Variants in CASZ1 observed in about 807,000 individuals in gnomAD.
The protein encoded by CASZ1 is zinc finger protein castor homolog 1.
Under a neutral mutation model 135.2 loss-of-function variants are expected in CASZ1, and 28 were observed. That is an observed-to-expected ratio of 0.21 (90% CI 0.15 to 0.28). CASZ1 has a LOEUF of 0.28. Ranked by LOEUF, CASZ1 falls within the 10% of genes least tolerant of loss-of-function variation. The pLI is 1.00. For synonymous variants in CASZ1, 1,068 were observed against 1,073.4 expected, an observed-to-expected ratio of 0.99 and a Z score of 0.10; for missense variants, 2,161 against 2,453.3, an observed-to-expected ratio of 0.88 and a Z score of 2.52.
At chr1:10,743,839 A>G (rs1169559559) in intron 2 of CASZ1, among the ~76,000 whole-genome samples, 4 of 115,348 alleles carry the variant, frequency 3.5e-5, no homozygotes, top group Admixed American at 1.1e-4. Flanking sequence ...AGCGAGGGAA[A>G]TTGTTGAGGA....
rs1035639562 is a variant in CASZ1 at position 10,735,835 on chromosome 1, G to A, written c.-77+24866C>T. 1.3e-5 allele frequency among the ~76,000 whole-genome samples: 2 copies of A among 152,192 alleles called. No individual in the cohort carries two copies. The highest frequency in any genetic ancestry group is 1.9e-4 in the East Asian group (1 of 5,194). On this transcript the variant is annotated intron_variant, in intron 2 of 20. Coordinates refer to ENST00000377022, the MANE Select transcript of CASZ1 (RefSeq NM_001079843.3). This position sits in a 1 kb window ranked among gnomAD's most constrained non-coding sequence, Gnocchi z 5.1. Reference sequence around the variant, plus strand: ...ACACTGGGAGTTGTAGGTAGTCAGGGAGCCCAGAGGCAGTGGCTTAGGATC... The same window carrying A: ...ACACTGGGAGTTGTAGGTAGTCAGGAAGCCCAGAGGCAGTGGCTTAGGATC...
At position 10,756,186 on chromosome 1, in the gene CASZ1, G is replaced by A. The variant is rs1640252435; in HGVS notation, c.-77+4515C>T. Among the ~76,000 whole-genome samples the A allele has an allele frequency of 6.6e-6, 1 of 152,164 alleles. No homozygotes were observed. Among genetic ancestry groups the A allele is most frequent in the African/African-American group, 2.4e-5 (1 of 41,454 alleles). ...CCACCACTCCCGCAAGCCGCTGCCA[G>A]CCTGCACTTCTGCTCTCTCCCGTTG... On this transcript the variant is annotated intron_variant, in intron 2 of 20. Coordinates refer to ENST00000377022, the MANE Select transcript of CASZ1 (RefSeq NM_001079843.3). The surrounding 1 kb of genome is among the most constrained non-coding windows in gnomAD (Gnocchi z 5.9).
intron 4 of CASZ1, among the ~76,000 whole-genome samples, chr1:10,677,231 C>A (rs1410910107): frequency 6.6e-6 from 1 of 152,160 alleles, no homozygotes; most frequent in South Asian, 2.1e-4. Context: ...CACTCCCTCG[C>A]TGCTGGAGGA....
intron 2 of CASZ1, among the ~76,000 whole-genome samples, chr1:10,716,647 C>G (rs1639400232): frequency 6.6e-6 from 1 of 152,212 alleles, no homozygotes; most frequent in Admixed American, 6.5e-5. Flanking sequence ...AAGTGGCACT[C>G]TGCTGTTCTG....
Position 10,653,566 on chromosome 1 carries a change from A to T in CASZ1, c.2491T>A (p.Ser831Thr), listed in dbSNP as rs1367031093. 6 of 1,577,386 alleles carry T rather than the reference A, an allele frequency of 3.8e-6. No homozygotes were observed. Among genetic ancestry groups the T allele is most frequent in the Non-Finnish European group, 5.2e-6 (6 of 1,159,440 alleles). Residue 831 changes from serine to threonine, a missense_variant, in exon 11 of 21, where the codon TCA (serine) becomes ACA (threonine). Physicochemically the swap from Ser to Thr is moderately conservative, Grantham distance 58. Transcript: ENST00000377022. ...LGAVSSGSAA[S>T]ATPDTPTLVA... ...AGCGTGGGTGTGTCAGGGGTGGCTGAGGCTGCTGACCCAGACGACACGGCA... is the reference window on the plus strand; with the variant it reads ...AGCGTGGGTGTGTCAGGGGTGGCTGTGGCTGCTGACCCAGACGACACGGCA...
chr1:10,759,890 G>A lies in CASZ1; in HGVS notation c.-77+811C>T, dbSNP rs951503235. Among the ~76,000 whole-genome samples, 11 of 152,082 alleles carry A rather than the reference G, an allele frequency of 7.2e-5. No homozygotes were observed. Among genetic ancestry groups the A allele is most frequent in the African/African-American group, 9.7e-5 (4 of 41,400 alleles). ...CCCCTAGACCTTGCCCGTGAACTTCGCAAACACCCAATCCCTCTGGACTGG... is the reference window on the plus strand; with the variant it reads ...CCCCTAGACCTTGCCCGTGAACTTCACAAACACCCAATCCCTCTGGACTGG... On this transcript the variant is annotated intron_variant, in intron 2 of 20. Transcript: ENST00000377022. This position sits in a 1 kb window ranked among gnomAD's most constrained non-coding sequence, Gnocchi z 4.2.
chr1:10,778,101 A>G (rs1035156339), intron 1 of CASZ1, among the ~76,000 whole-genome samples: 3 of 151,958 alleles, frequency 2.0e-5, no homozygotes, highest in Non-Finnish European at 4.4e-5. Context: ...CATCTCACAC[A>G]ATCTCACAAT....
intron 5 of CASZ1, chr1:10,660,960 A>T: frequency 9.9e-6 from 2 of 201,392 alleles, no homozygotes; most frequent in Non-Finnish European, 2.0e-5. Context: ...GACGTGGGCC[A>T]GTGGGCAGCT....
At chr1:10,658,646 G>A (rs1557476771) in intron 6 of CASZ1, 70 bp from the exon 7 acceptor site, 1 of 1,387,982 alleles carries the variant, frequency 7.2e-7, no homozygotes, top group African/African-American at 1.4e-5. Context: ...GGCATCTGGT[G>A]GGCAGCCCCT....
At chr1:10,728,642 C>T (rs948726545) in intron 2 of CASZ1, among the ~76,000 whole-genome samples, 1 of 151,884 alleles carries the variant, frequency 6.6e-6, no homozygotes, top group Admixed American at 6.6e-5. Flanking sequence ...CAGGTTAAAG[C>T]GCTCCTGAGG....
rs1475467951 is a variant in CASZ1 at position 10,767,110 on chromosome 1, G to T, written c.-233-6253C>A. On this transcript the variant is annotated intron_variant, in intron 1 of 20. Coordinates refer to ENST00000377022, the MANE Select transcript of CASZ1 (RefSeq NM_001079843.3). This position sits in a 1 kb window ranked among gnomAD's most constrained non-coding sequence, Gnocchi z 4.2. ...GTTGACTGCTGATGGAAGGAACGAG[G>T]AGTGGGGAAAAGATGGGGCCCGGTC... Among the ~76,000 whole-genome samples, 1 of 152,204 alleles carries T rather than the reference G, an allele frequency of 6.6e-6. No individual in the cohort carries two copies. The highest frequency in any genetic ancestry group is 1.5e-5 in the Non-Finnish European group (1 of 68,034).
chr1:10,740,507 C>A (rs538598980), intron 2 of CASZ1, among the ~76,000 whole-genome samples: 4 of 152,198 alleles, frequency 2.6e-5, no homozygotes, highest in African/African-American at 4.8e-5. Context: ...GAGGCAGTGT[C>A]TCCCCAGGGC....
intron 9 of CASZ1, among the ~76,000 whole-genome samples, chr1:10,655,424 T>C (rs1317447367): frequency 6.6e-6 from 1 of 152,250 alleles, no homozygotes; most frequent in Non-Finnish European, 1.5e-5. Context: ...AGTATGGCCA[T>C]GGGGAAGGCC....
In CASZ1 at chr1:10,694,684, GC is replaced by G. The variant is rs1369030078; in HGVS notation, c.-23-773del. Among the ~76,000 whole-genome samples the G allele has an allele frequency of 8.3e-6, 1 of 121,042 alleles. No individual in the cohort carries two copies. The highest frequency in any genetic ancestry group is 1.7e-5 in the Non-Finnish European group (1 of 60,144). The allele number at this position is 121,042 out of a possible 152,430, so 79.4% of individuals were successfully genotyped here. On this transcript the variant is annotated intron_variant, in intron 3 of 20. Coordinates refer to ENST00000377022, the MANE Select transcript of CASZ1 (RefSeq NM_001079843.3). The surrounding 1 kb of genome is among the most constrained non-coding windows in gnomAD (Gnocchi z 6.6). ...AGTGAATGGGCTCGCGCTCGCTCGC[GC>G]CCCCGCCGCGCGCCCCCGCCGCGCG...
chr1:10,701,548 G>A lies in CASZ1; in HGVS notation c.-24+3944C>T, dbSNP rs1639061389. ...GATGGGAGGAGGGGGGGCGCGGTCA[G>A]AAGAAGGAGATAACGGGCAAAGGGC... is the stretch of plus-strand genomic sequence containing the variant. On this transcript the variant is annotated intron_variant, in intron 3 of 20. Coordinates refer to ENST00000377022, the MANE Select transcript of CASZ1 (RefSeq NM_001079843.3). This position sits in a 1 kb window ranked among gnomAD's most constrained non-coding sequence, Gnocchi z 6.3. 6.6e-6 allele frequency among the ~76,000 whole-genome samples: 1 copy of A among 152,184 alleles called. No individual in the cohort carries two copies. The highest frequency in any genetic ancestry group is 1.5e-5 in the Non-Finnish European group (1 of 68,028).
At chr1:10,641,177 A>G (rs996054726) in intron 20 of CASZ1, among the ~76,000 whole-genome samples, 1 of 152,232 alleles carries the variant, frequency 6.6e-6, no homozygotes, top group African/African-American at 2.4e-5. Context: ...GAGAGAGACT[A>G]AGGGCTGTGA....
rs532808012 is a variant in CASZ1 at position 10,696,086 on chromosome 1, G to C, written c.-23-2174C>G. ...GCAATATTTCTATTTTGCAAAGGGAGGGGCCAGGGAGGCCTTGGGGCAAAG... is the reference window on the plus strand; with the variant it reads ...GCAATATTTCTATTTTGCAAAGGGACGGGCCAGGGAGGCCTTGGGGCAAAG... On this transcript the variant is annotated intron_variant, in intron 3 of 20. Coordinates refer to ENST00000377022, the MANE Select transcript of CASZ1 (RefSeq NM_001079843.3). Among the ~76,000 whole-genome samples the C allele has an allele frequency of 5.9e-5, 9 of 152,368 alleles. No individual in the cohort carries two copies. In the East Asian group the frequency reaches 1.7e-3, roughly 29 times the overall value.
intron 1 of CASZ1, among the ~76,000 whole-genome samples, chr1:10,775,805 C>T (rs1213968540): frequency 3.9e-5 from 6 of 152,162 alleles, no homozygotes; most frequent in Admixed American, 2.0e-4. Context: ...AGGTCTGTGG[C>T]CACGTGTGTC....
rs1386256342 is a variant in CASZ1 at position 10,774,061 on chromosome 1, C to A, written c.-233-13204G>T. On this transcript the variant is annotated intron_variant, in intron 1 of 20. Transcript: ENST00000377022. The surrounding 1 kb of genome is among the most constrained non-coding windows in gnomAD (Gnocchi z 4.4). The stretch of plus-strand genomic sequence containing the variant: ...CAGAGGTGGGACCTGAGGGAGTGGG[C>A]AGGTGCCTGCACAGAGGCCAGGTGC... 6.6e-6 allele frequency among the ~76,000 whole-genome samples: 1 copy of A among 152,152 alleles called. No individual in the cohort carries two copies. Among genetic ancestry groups the A allele is most frequent in the Non-Finnish European group, 1.5e-5 (1 of 68,030 alleles).
Sources: gnomAD v4.1 joint callset for allele counts (sites outside exome capture counted in the v4.1 genomes callset) on GRCh38, gnomAD v4.1.1 for gene constraint, Gnocchi (gnomAD v3.1) non-coding constraint, MANE v1.5 for transcripts, NCBI Gene and HGNC (gene_info 2026-07-23, HGNC 2026-07-21) for gene names.